The following LRRC7 variants were observed in gnomAD, a reference collection of about 807,000 sequenced individuals.
LRRC7 encodes the protein leucine rich repeat containing 7.
A neutral mutation model predicts 175.7 loss-of-function variants in LRRC7; 23 were observed. The ratio of observed to expected loss-of-function variants is 0.13; its 90% CI spans 0.09 to 0.19. The LOEUF (loss-of-function observed/expected upper bound fraction) is 0.19. Ranked by LOEUF, LRRC7 falls within the 10% of genes least tolerant of loss-of-function variation. The probability of loss-of-function intolerance (pLI) is 1.00; values close to 1 mark genes in which losing one functional copy is unlikely to be tolerated. For synonymous variants in LRRC7, 685 were observed against 680.9 expected, an observed-to-expected ratio of 1.01 and a Z score of -0.09; for missense variants, 1,354 against 1,904.7, an observed-to-expected ratio of 0.71 and a Z score of 5.38.
intron 2 of LRRC7, among the ~76,000 whole-genome samples, chr1:69,757,847 G>T (rs1670602903): frequency 6.6e-6 from 1 of 151,624 alleles, no homozygotes; most frequent in African/African-American, 2.4e-5. Context: ...ATCACTGGGG[G>T]TGGGTTAATG....
At chr1:69,579,362 T>A (rs1028431051) in intron 1 of LRRC7, among the ~76,000 whole-genome samples, 4 of 152,178 alleles carry the variant, frequency 2.6e-5, no homozygotes, top group Admixed American at 2.0e-4. Flanking sequence ...CATATCTTTT[T>A]TTAAAAAATA....
chr1:69,924,046 T>G (rs1180254107), intron 7 of LRRC7, among the ~76,000 whole-genome samples: 1 of 152,232 alleles, frequency 6.6e-6, no homozygotes, highest in African/African-American at 2.4e-5. Flanking sequence ...CCAGGACCAT[T>G]TATTAAATAG....
At chr1:70,082,016 GA>G (rs1431501190) in intron 24 of LRRC7, among the ~76,000 whole-genome samples, 1 of 152,196 alleles carries the variant, frequency 6.6e-6, no homozygotes, top group Non-Finnish European at 1.5e-5. Context: ...TATCCTGGAA[GA>G]AATCACTTTA....
At chr1:69,926,717 G>C (rs1256568329) in intron 7 of LRRC7, among the ~76,000 whole-genome samples, 1 of 151,970 alleles carries the variant, frequency 6.6e-6, no homozygotes, top group Admixed American at 6.5e-5. Flanking sequence ...ACGTGAGATG[G>C]GTGTCCTGAA....
chr1:69,622,247 G>T (rs1419203904), intron 1 of LRRC7, among the ~76,000 whole-genome samples: 1 of 152,206 alleles, frequency 6.6e-6, no homozygotes, highest in African/African-American at 2.4e-5. Context: ...TGGCTTTCCA[G>T]ATTATAATTC....
At chr1:70,012,908 GA>G in intron 12 of LRRC7, 65 bp from the exon 13 acceptor site, 2 of 778,944 alleles carry the variant, frequency 2.6e-6, no homozygotes, top group South Asian at 4.5e-5. Flanking sequence ...TTAAAAATTA[GA>G]AAAATTAATA....
At chr1:69,818,615 G>A (rs1301404349) in intron 4 of LRRC7, among the ~76,000 whole-genome samples, 13 of 152,038 alleles carry the variant, frequency 8.6e-5, no homozygotes, top group Non-Finnish European at 1.6e-4. Flanking sequence ...TCAAGGTAAT[G>A]CTAGTCTTCG....
intron 1 of LRRC7, among the ~76,000 whole-genome samples, chr1:69,662,996 T>C (rs977083294): frequency 7.9e-5 from 12 of 152,156 alleles, no homozygotes; most frequent in African/African-American, 2.4e-4. Context: ...GGTTTTAGGG[T>C]TTCATGAGGT....
At chr1:69,915,199 C>T (rs992538299) in intron 7 of LRRC7, among the ~76,000 whole-genome samples, 2 of 151,992 alleles carry the variant, frequency 1.3e-5, no homozygotes, top group South Asian at 2.1e-4. Context: ...TGACACTAAG[C>T]CAAAGAACTA....
intron 1 of LRRC7, among the ~76,000 whole-genome samples, chr1:69,649,711 G>A (rs1191858458): frequency 6.6e-6 from 1 of 152,088 alleles, no homozygotes; most frequent in East Asian, 1.9e-4. Context: ...CCATGCAAAA[G>A]TATATGGTTT....
intron 7 of LRRC7, among the ~76,000 whole-genome samples, chr1:69,859,679 A>G (rs1206101720): frequency 1.3e-5 from 2 of 151,990 alleles, no homozygotes; most frequent in African/African-American, 4.8e-5. Flanking sequence ...AAATTGTATA[A>G]ATTTAAACGT....
At chr1:70,056,654 C>T (rs928115649) in intron 23 of LRRC7, among the ~76,000 whole-genome samples, 1 of 152,140 alleles carries the variant, frequency 6.6e-6, no homozygotes, top group Non-Finnish European at 1.5e-5. Context: ...CAAAACCTTT[C>T]TTCCCTGAGT....
chr1:69,673,867 C>A (rs1333105081), intron 1 of LRRC7, among the ~76,000 whole-genome samples: 1 of 151,830 alleles, frequency 6.6e-6, no homozygotes, highest in Admixed American at 6.6e-5. Context: ...TTTGGCAGTT[C>A]TCAAAAACTT....
At chr1:69,977,224 GC>G (rs1419698002) in intron 8 of LRRC7, among the ~76,000 whole-genome samples, 1 of 152,062 alleles carries the variant, frequency 6.6e-6, no homozygotes, top group African/African-American at 2.4e-5. Flanking sequence ...TTCATTACCA[GC>G]CCTGTTAAGT....
chr1:69,947,556 C>A (rs1160114499), intron 8 of LRRC7, among the ~76,000 whole-genome samples: 2 of 152,022 alleles, frequency 1.3e-5, no homozygotes, highest in African/African-American at 4.8e-5. Flanking sequence ...TTCCCCAAGT[C>A]CACTTCATGC....
chr1:69,749,910 A>C (rs1165510855), intron 2 of LRRC7, among the ~76,000 whole-genome samples: 1 of 151,796 alleles, frequency 6.6e-6, no homozygotes, highest in Non-Finnish European at 1.5e-5. Context: ...AAAATATAAA[A>C]ATTAGCCAGG....
At chr1:70,098,747 TAC>T (rs1253304073) in intron 25 of LRRC7, among the ~76,000 whole-genome samples, 1 of 151,418 alleles carries the variant, frequency 6.6e-6, no homozygotes, top group East Asian at 1.9e-4. Flanking sequence ...CCTTGACACA[TAC>T]ACTCTCCCAA....
intron 23 of LRRC7, among the ~76,000 whole-genome samples, chr1:70,067,032 C>T (rs1353467): frequency 0.15 from 23,349 of 151,934 alleles, 2,856 homozygotes; most frequent in African/African-American, 0.33. Flanking sequence ...TGACTAATAA[C>T]GTTGAACATC....
chr1:69,688,766 T>A (rs183987766), intron 2 of LRRC7, among the ~76,000 whole-genome samples: 1 of 152,270 alleles, frequency 6.6e-6, no homozygotes, highest in African/African-American at 2.4e-5. Context: ...TATGTACTCA[T>A]TGGCCTCACC....
Sources: allele counts gnomAD v4.1 joint callset (sites outside exome capture counted in the v4.1 genomes callset), GRCh38; gene constraint gnomAD v4.1.1; transcripts MANE v1.5; gene names NCBI Gene and HGNC (gene_info 2026-07-23, HGNC 2026-07-21).